Variants in SLC4A7 observed in about 807,000 individuals in gnomAD.
SLC4A7 encodes the protein sodium bicarbonate cotransporter 3.
Under a neutral mutation model 137.6 loss-of-function variants are expected in SLC4A7, and 51 were observed. The observed-to-expected ratio is 0.37, with a 90% CI of 0.30 to 0.47. The LOEUF (loss-of-function observed/expected upper bound fraction) is 0.47, where lower values mean the gene tolerates loss of function less well. Ranked by LOEUF, SLC4A7 falls within the 20% of genes least tolerant of loss-of-function variation. The pLI is 1.00. For synonymous variants in SLC4A7, 542 were observed against 518.6 expected (o/e 1.05, Z -0.61); for missense variants, 1,247 against 1,525.4 (o/e 0.82, Z 3.04).
In SLC4A7 at chr3:27,437,068, A is replaced by G. The variant is rs555806143; in HGVS notation, c.428+320T>C. Among the ~76,000 whole-genome samples, 9 of 152,282 alleles carry G rather than the reference A, an allele frequency of 5.9e-5. No homozygotes were observed. In the East Asian group the frequency reaches 1.7e-3, roughly 29 times the overall value. ...TAATGCCAATTTAAAAATGAGACTT[A>G]GGCCGGGAACGGTGGCTAACGCCTG... On this transcript the variant is annotated intron_variant, in intron 4 of 25. Coordinates refer to ENST00000454389, the MANE Select transcript of SLC4A7 (RefSeq NM_001321103.2).
chr3:27,399,223 T>C (rs1459204588), intron 16 of SLC4A7, among the ~76,000 whole-genome samples: 1 of 152,104 alleles, frequency 6.6e-6, no homozygotes, highest in Non-Finnish European at 1.5e-5. Flanking sequence ...ATAAAAGCTA[T>C]ACCATTACCA....
chr3:27,434,154 T>C (rs780970690), intron 5 of SLC4A7, 50 bp from the exon 6 acceptor site: 4 of 1,369,052 alleles, frequency 2.9e-6, no homozygotes, highest in East Asian at 2.4e-5. Context: ...ATGACCATAA[T>C]ATAGGAATAA....
At chr3:27,420,474 T>C (rs377571989) in intron 10 of SLC4A7, among the ~76,000 whole-genome samples, 2 of 152,028 alleles carry the variant, frequency 1.3e-5, no homozygotes, top group Admixed American at 1.3e-4. Context: ...TAATTACAAA[T>C]GTTTAAAACA....
At position 27,418,358 on chromosome 3, in the gene SLC4A7, G is replaced by T. The variant is rs2054598738; in HGVS notation, c.1659+128C>A. 13 of 683,874 alleles carry T rather than the reference G, an allele frequency of 1.9e-5. No individual in the cohort carries two copies. The South Asian group carries it at 2.3e-4, about 12-fold the overall frequency. 42.4% of individuals were successfully genotyped at this position (683,874 alleles called of 1,614,324 possible). A position where few individuals can be genotyped will look rare whatever the true frequency, so the allele number is the denominator to read the frequency against. On this transcript the variant is annotated intron_variant, in intron 11 of 25. Coordinates refer to ENST00000454389, the MANE Select transcript of SLC4A7 (RefSeq NM_001321103.2). Reference sequence around the variant, plus strand: ...TGGTCCACCCACAGGAGGTAAGTATGGGGGTAAGAAGGTAAACAGGACGAG... The same window carrying T: ...TGGTCCACCCACAGGAGGTAAGTATTGGGGTAAGAAGGTAAACAGGACGAG...
intron 1 of SLC4A7, among the ~76,000 whole-genome samples, chr3:27,471,717 T>C (rs1370353561): frequency 6.6e-6 from 1 of 152,130 alleles, no homozygotes; most frequent in Non-Finnish European, 1.5e-5. Flanking sequence ...GAGTAAAAAA[T>C]TCCCATTACA....
intron 7 of SLC4A7, among the ~76,000 whole-genome samples, chr3:27,428,642 G>A (rs185438352): frequency 1.3e-3 from 196 of 152,314 alleles, no homozygotes; most frequent in Non-Finnish European, 2.1e-3. Flanking sequence ...GTTACTAGTT[G>A]TATGATGCAG....
At chr3:27,449,990 A>ACCACAAAAT (rs796390216) in intron 2 of SLC4A7, among the ~76,000 whole-genome samples, 47 of 152,290 alleles carry the variant, frequency 3.1e-4, no homozygotes, top group African/African-American at 1.1e-3. Flanking sequence ...TTTACTTGTA[A>ACCACAAAAT]CCACAAAATC....
intron 14 of SLC4A7, 82 bp downstream of exon 14, chr3:27,404,748 A>G (rs2053164333): frequency 8.4e-7 from 1 of 1,192,186 alleles, no homozygotes; most frequent in Admixed American, 2.6e-5. Flanking sequence ...AATTACTTTT[A>G]AGCAATTAAA....
At chr3:27,420,496 T>C (rs2054857251) in intron 10 of SLC4A7, among the ~76,000 whole-genome samples, 1 of 152,084 alleles carries the variant, frequency 6.6e-6, no homozygotes, top group Non-Finnish European at 1.5e-5. Context: ...AAAAAAATTT[T>C]TAAATACCCA....
chr3:27,446,975 C>T (rs565849127), intron 3 of SLC4A7, among the ~76,000 whole-genome samples: 1 of 149,638 alleles, frequency 6.7e-6, no homozygotes, highest in East Asian at 2.0e-4. Context: ...CCTCTGCCTC[C>T]CGGGTTCAAG....
intron 1 of SLC4A7, among the ~76,000 whole-genome samples, chr3:27,468,971 G>A (rs1460217440): frequency 1.3e-5 from 2 of 152,102 alleles, no homozygotes; most frequent in East Asian, 1.9e-4. Context: ...GCCAGGCTTC[G>A]TGGCACACAC....
At chr3:27,395,215 A>C (rs1320740723) in intron 18 of SLC4A7, 100 bp from the exon 19 acceptor site, 2 of 729,116 alleles carry the variant, frequency 2.7e-6, no homozygotes, top group Non-Finnish European at 4.2e-6. Context: ...TACCCAACGA[A>C]TGGGAAATAA....
rs532477426 is a variant in SLC4A7, at chr3:27,387,733, AGAACACCATGT to A, written c.3361-1721_3361-1711del. Among the ~76,000 whole-genome samples, 60 of 152,306 alleles carry A rather than the reference AGAACACCATGT, an allele frequency of 3.9e-4. No individual in the cohort carries two copies. In the East Asian group the frequency reaches 0.011, roughly 28 times the overall value. On this transcript the variant is annotated intron_variant, in intron 22 of 25. Transcript: ENST00000454389. ...AACTTATTTGGAAATAAGCTGTTGA[AGAACACCATGT>A]GACAACAAAGGCTCCAACTTCAGTT...
intron 13 of SLC4A7, among the ~76,000 whole-genome samples, chr3:27,406,727 C>A (rs1020015578): frequency 6.6e-6 from 1 of 151,958 alleles, no homozygotes; most frequent in Non-Finnish European, 1.5e-5. Context: ...CCCAGGAGTT[C>A]AAGAACAACC....
At chr3:27,406,932 A>C (rs1407931564) in intron 13 of SLC4A7, among the ~76,000 whole-genome samples, 1 of 152,076 alleles carries the variant, frequency 6.6e-6, no homozygotes, top group Non-Finnish European at 1.5e-5. Context: ...AAAAAAACAA[A>C]AAGCAGAAAC....
chr3:27,403,324 C>T lies in SLC4A7; in HGVS notation c.2136G>A (p.Leu712=), dbSNP rs771903919. 6.2e-7 allele frequency: 1 copy of T among 1,611,750 alleles called. No individual in the cohort carries two copies. The highest frequency in any genetic ancestry group is 1.1e-5 in the South Asian group (1 of 90,764). Residue 712 remains leucine (L), a synonymous_variant, in exon 15 of 26, where the codon TTG becomes TTA. Coordinates refer to ENST00000454389, the MANE Select transcript of SLC4A7 (RefSeq NM_001321103.2). ...RTSIGLWTSF[L]CIVLVATDAS... is the part of the protein sequence containing the mutation. The stretch of plus-strand genomic sequence containing the variant: ...CATCTGTTGCAACCAAAACAATGCA[C>T]AAAAAAGAAGTCCACAGACCAATAC...
chr3:27,454,387 A>C (rs530928004), intron 1 of SLC4A7, among the ~76,000 whole-genome samples: 1 of 152,200 alleles, frequency 6.6e-6, no homozygotes, highest in South Asian at 2.1e-4. Flanking sequence ...AATCGCTTGA[A>C]CCCAGGAGGC....
rs1265791180 is a variant in SLC4A7 at position 27,376,788 on chromosome 3, G to A, written c.3756C>T (p.Tyr1252=). The A allele has an allele frequency of 6.3e-6, 10 of 1,596,512 alleles. No homozygotes were observed. The highest frequency in any genetic ancestry group is 3.3e-4 in the Middle Eastern group (2 of 6,004). Residue 1252 remains tyrosine, a synonymous_variant, in exon 26 of 26, where the codon TAC becomes TAT. Transcript: ENST00000454389. ...ISFEDEPRKK[Y]VDAETSL Reference sequence around the variant, plus strand: ...TCTATAATGAAGTTTCAGCATCCACGTATTTCTTTCTTGGTTCATCTTCAA... The same window carrying A: ...TCTATAATGAAGTTTCAGCATCCACATATTTCTTTCTTGGTTCATCTTCAA...
intron 15 of SLC4A7, among the ~76,000 whole-genome samples, chr3:27,401,967 T>C (rs993186554): frequency 6.6e-6 from 1 of 152,208 alleles, no homozygotes; most frequent in African/African-American, 2.4e-5. Context: ...AATAGGTCAA[T>C]GTCTTCCAGG....
Sources: gnomAD v4.1 joint callset for allele counts (sites outside exome capture counted in the v4.1 genomes callset) on GRCh38, gnomAD v4.1.1 for gene constraint, MANE v1.5 for transcripts, NCBI Gene and HGNC (gene_info 2026-07-23, HGNC 2026-07-21) for gene names.